Variants in AGMO observed in about 807,000 individuals in gnomAD.
The protein encoded by AGMO is glyceryl-ether monooxygenase.
In AGMO, 75 loss-of-function variants were observed where a neutral mutation model predicts 60.2. The ratio of observed to expected loss-of-function variants is 1.25; its 90% CI spans 1.03 to 1.51. The LOEUF (loss-of-function observed/expected upper bound fraction) is 1.51. Ranked by LOEUF, AGMO falls within the 40% of genes most tolerant of loss-of-function variation. The probability of loss-of-function intolerance (pLI) is 0.00; values close to 1 mark genes in which losing one functional copy is unlikely to be tolerated. For missense variants in AGMO, 763 were observed against 525.5 expected, an observed-to-expected ratio of 1.45 and a Z score of -4.42; for synonymous variants, 261 against 177.1, an observed-to-expected ratio of 1.47 and a Z score of -3.76.
chr7:15,420,575 T>C (rs573460055), intron 4 of AGMO, among the ~76,000 whole-genome samples: 1 of 152,278 alleles, frequency 6.6e-6, no homozygotes, highest in African/African-American at 2.4e-5. Flanking sequence ...AAGGTTCTAA[T>C]TTTTACAATC....
chr7:15,188,898 T>C, the AGMO span, among the ~76,000 whole-genome samples: 1 of 152,036 alleles, frequency 6.6e-6, no homozygotes, highest in Admixed American at 6.6e-5. Flanking sequence ...ACAGTGAGGG[T>C]GAAAGCAAAA....
At position 15,366,211 on chromosome 7, in the gene AGMO, T is replaced by C; in HGVS notation, c.1086A>G (p.Gln362=). ...AGCAAACCCTCAGAAGGAGAGTAAC[T>C]TGCGACAGTGCCTGTCAAACAAACA... ...ETFADTAALS[Q]VTLLLRVCFI... is the part of the protein sequence containing the mutation. Residue 362 remains glutamine (Q), a synonymous_variant, in exon 11 of 13, where the codon CAA becomes CAG. Coordinates refer to ENST00000342526, the MANE Select transcript of AGMO (RefSeq NM_001004320.2). The C allele has an allele frequency of 6.2e-7, 1 of 1,604,980 alleles. No individual in the cohort carries two copies. Among genetic ancestry groups the C allele is most frequent in the Non-Finnish European group, 8.5e-7 (1 of 1,175,076 alleles).
chr7:15,302,844 A>C (rs1050233256), intron 12 of AGMO, among the ~76,000 whole-genome samples: 41 of 152,292 alleles, frequency 2.7e-4, no homozygotes, highest in Non-Finnish European at 4.4e-5. Flanking sequence ...TAAAGATAGG[A>C]CTGAAGCCAT....
the AGMO span, among the ~76,000 whole-genome samples, chr7:15,146,400 G>A: frequency 1.3e-5 from 2 of 152,214 alleles, no homozygotes; most frequent in African/African-American, 2.4e-5. Flanking sequence ...AAATGTGATA[G>A]AATTATTAGG....
chr7:15,406,894 A>G (rs1468040303), intron 5 of AGMO, among the ~76,000 whole-genome samples: 1 of 126,340 alleles, frequency 7.9e-6, no homozygotes, highest in Non-Finnish European at 1.7e-5. Flanking sequence ...TTCAGGTCAG[A>G]AGACTCAAAA....
At chr7:15,449,792 C>T (rs957144057) in intron 3 of AGMO, among the ~76,000 whole-genome samples, 3 of 152,192 alleles carry the variant, frequency 2.0e-5, no homozygotes, top group Non-Finnish European at 4.4e-5. Flanking sequence ...TTAAAAATCA[C>T]GTTATGTGCA....
chr7:15,248,225 T>TATATATATATA (rs1782823894), intron 12 of AGMO, among the ~76,000 whole-genome samples: 7 of 115,072 alleles, frequency 6.1e-5, no homozygotes, highest in Non-Finnish European at 8.8e-5. Flanking sequence ...TATATATATA[T>TATATATATATA]CTTCATCTTC....
chr7:15,525,392 T>C (rs1379475806), intron 3 of AGMO, among the ~76,000 whole-genome samples: 4 of 152,084 alleles, frequency 2.6e-5, no homozygotes, highest in African/African-American at 7.2e-5. Flanking sequence ...CTATTTTACA[T>C]ATACCTACCC....
At chr7:15,488,488 C>G (rs1328812179) in intron 3 of AGMO, among the ~76,000 whole-genome samples, 3 of 152,078 alleles carry the variant, frequency 2.0e-5, no homozygotes, top group Non-Finnish European at 2.9e-5. Flanking sequence ...AAATTTTAAA[C>G]AAGCCCATTC....
At chr7:15,493,451 G>A (rs562856333) in intron 3 of AGMO, among the ~76,000 whole-genome samples, 4 of 135,164 alleles carry the variant, frequency 3.0e-5, no homozygotes, top group Admixed American at 8.6e-5. Flanking sequence ...TCGGCTCACT[G>A]CAAGCTCCGC....
chr7:15,486,450 G>C (rs1782923542), intron 3 of AGMO, among the ~76,000 whole-genome samples: 2 of 152,112 alleles, frequency 1.3e-5, no homozygotes, highest in African/African-American at 4.8e-5. Context: ...TTGTTTGAGG[G>C]AGCAAAACAT....
chr7:15,502,640 G>A (rs1369419901), intron 3 of AGMO, among the ~76,000 whole-genome samples: 1 of 151,928 alleles, frequency 6.6e-6, no homozygotes, highest in African/African-American at 2.4e-5. Context: ...AATAAAAGAT[G>A]AACTACAGAA....
At position 15,506,334 on chromosome 7, in the gene AGMO, G is replaced by C. The variant is rs150934216; in HGVS notation, c.409+38438C>G. The stretch of plus-strand genomic sequence containing the variant: ...GAGGTAAGTTAAGAAACTGGCTCGA[G>C]TTACACAGATTCTAAATGACAGAGC... On this transcript the variant is annotated intron_variant, in intron 3 of 12. Coordinates refer to ENST00000342526, the MANE Select transcript of AGMO (RefSeq NM_001004320.2). Among the ~76,000 whole-genome samples, 3 of 152,058 alleles carry C rather than the reference G, an allele frequency of 2.0e-5. No individual in the cohort carries two copies. In the East Asian group the frequency reaches 5.8e-4, roughly 29 times the overall value.
At chr7:15,355,060 T>TGG (rs1404944351) in intron 12 of AGMO, among the ~76,000 whole-genome samples, 2 of 152,094 alleles carry the variant, frequency 1.3e-5, no homozygotes, top group Non-Finnish European at 2.9e-5. Context: ...CATAGTACCA[T>TGG]GGACATAGAT....
At chr7:15,264,346 A>G (rs1436023463) in intron 12 of AGMO, among the ~76,000 whole-genome samples, 2 of 151,964 alleles carry the variant, frequency 1.3e-5, no homozygotes, top group African/African-American at 4.8e-5. Flanking sequence ...ATCTTAAATT[A>G]TCTGCAATAA....
intron 3 of AGMO, among the ~76,000 whole-genome samples, chr7:15,527,094 C>T (rs1784147752): frequency 6.6e-6 from 1 of 152,038 alleles, no homozygotes; most frequent in African/African-American, 2.4e-5. Flanking sequence ...CTACAATCAC[C>T]TCTAAGTGTT....
At chr7:15,477,809 T>G (rs1782636706) in intron 3 of AGMO, among the ~76,000 whole-genome samples, 1 of 152,162 alleles carries the variant, frequency 6.6e-6, no homozygotes, top group Non-Finnish European at 1.5e-5. Flanking sequence ...TGGTTTCTCA[T>G]GTATGAAAGC....
At chr7:15,337,163 G>C (rs991514082) in intron 12 of AGMO, among the ~76,000 whole-genome samples, 1 of 152,090 alleles carries the variant, frequency 6.6e-6, no homozygotes, top group Admixed American at 6.6e-5. Context: ...AGTTTATATT[G>C]CAACTACAGG....
Position 15,366,311 on chromosome 7 carries a change from T to C in AGMO, c.1075-89A>G, listed in dbSNP as rs565067260. 7 of 873,064 alleles carry C rather than the reference T, an allele frequency of 8.0e-6. 1 individual carries two copies. The Admixed American group carries it at 1.2e-4, about 15-fold the overall frequency. The allele number at this position is 873,064 out of a possible 1,614,324, so 54.1% of individuals were successfully genotyped here. Reference sequence around the variant, plus strand: ...TTAAAGCTTACAAAACAGCCCAAATTTTATGTCCTGTTGCACCACTTGTCA... The same window carrying C: ...TTAAAGCTTACAAAACAGCCCAAATCTTATGTCCTGTTGCACCACTTGTCA... On this transcript the variant is annotated intron_variant, in intron 10 of 12. Coordinates refer to ENST00000342526, the MANE Select transcript of AGMO (RefSeq NM_001004320.2).
Sources: gnomAD v4.1 joint callset for allele counts (sites outside exome capture counted in the v4.1 genomes callset) on GRCh38, gnomAD v4.1.1 for gene constraint, MANE v1.5 for transcripts, NCBI Gene and HGNC (gene_info 2026-07-23, HGNC 2026-07-21) for gene names.